The following PPARGC1A variants were observed in gnomAD, a reference collection of about 807,000 sequenced individuals.
PPARGC1A encodes the protein PPARG coactivator 1 alpha, also known as peroxisome proliferator-activated receptor gamma coactivator 1-alpha.
In PPARGC1A, 25 loss-of-function variants were observed where a neutral mutation model predicts 88.7. The ratio of observed to expected loss-of-function variants is 0.28; its 90% CI spans 0.21 to 0.39. The LOEUF is 0.39. Among genes scored for constraint, PPARGC1A ranks in the 10% least tolerant of loss-of-function variants. The probability of loss-of-function intolerance (pLI) is 1.00; values close to 1 mark genes in which losing one functional copy is unlikely to be tolerated. For missense variants in PPARGC1A, 880 were observed against 968.7 expected, an observed-to-expected ratio of 0.91 and a Z score of 1.22; for synonymous variants, 363 against 355.6, an observed-to-expected ratio of 1.02 and a Z score of -0.24.
chr4:24,076,373 A>C, the PPARGC1A span, among the ~76,000 whole-genome samples: 17 of 152,170 alleles, frequency 1.1e-4, no homozygotes, highest in Non-Finnish European at 2.4e-4. Flanking sequence ...CTCGAATCAC[A>C]ATTCATATAT....
the PPARGC1A span, among the ~76,000 whole-genome samples, chr4:24,108,535 T>C: frequency 2.0e-5 from 3 of 152,160 alleles, no homozygotes; most frequent in African/African-American, 4.8e-5. Flanking sequence ...GCCTATTATA[T>C]ATAGGTTAGC....
chr4:23,817,383 C>T (rs1722176127), intron 7 of PPARGC1A, among the ~76,000 whole-genome samples: 1 of 152,086 alleles, frequency 6.6e-6, no homozygotes, highest in African/African-American at 2.4e-5. Flanking sequence ...AGCCTGTGGC[C>T]ATTGAACAGA....
chr4:23,816,097 T>G (rs139499923), intron 7 of PPARGC1A, among the ~76,000 whole-genome samples: 51 of 152,322 alleles, frequency 3.3e-4, no homozygotes, highest in African/African-American at 1.2e-3. Context: ...TCAAAGCTAA[T>G]TCTCCCTGAG....
At chr4:24,377,452 G>A in the PPARGC1A span, among the ~76,000 whole-genome samples, 1 of 152,038 alleles carries the variant, frequency 6.6e-6, no homozygotes, top group African/African-American at 2.4e-5. Context: ...AACCCCAGCA[G>A]AAAGGCATAA....
chr4:24,411,040 T>C, the PPARGC1A span, among the ~76,000 whole-genome samples: 1 of 152,220 alleles, frequency 6.6e-6, no homozygotes, highest in Non-Finnish European at 1.5e-5. Context: ...TATATATGTT[T>C]GGGAAATGTT....
chr4:24,462,715 G>A, the PPARGC1A span, among the ~76,000 whole-genome samples: 1 of 150,708 alleles, frequency 6.6e-6, no homozygotes, highest in Non-Finnish European at 1.5e-5. Context: ...ATTCTATTAT[G>A]ATGGACTCAA....
chr4:23,936,190 T>C, the PPARGC1A span, among the ~76,000 whole-genome samples: 1 of 152,354 alleles, frequency 6.6e-6, no homozygotes, highest in Non-Finnish European at 1.5e-5. Flanking sequence ...ATGTATTGAA[T>C]GCCTACTATG....
At chr4:24,314,580 A>G in the PPARGC1A span, among the ~76,000 whole-genome samples, 1 of 152,236 alleles carries the variant, frequency 6.6e-6, no homozygotes, top group Non-Finnish European at 1.5e-5. Flanking sequence ...ATAGCAGCAC[A>G]AATGGACTAA....
At chr4:23,897,844 G>C (rs1051143559) in intron 1 of PPARGC1A, among the ~76,000 whole-genome samples, 5 of 152,172 alleles carry the variant, frequency 3.3e-5, no homozygotes, top group African/African-American at 4.8e-5. Flanking sequence ...CAGAGAAACA[G>C]TGGGCTTTCA....
chr4:24,109,296 T>TAC, the PPARGC1A span, among the ~76,000 whole-genome samples: 2 of 105,770 alleles, frequency 1.9e-5, no homozygotes, highest in South Asian at 6.7e-4. Flanking sequence ...ACCATTTCAT[T>TAC]ATACACACAC....
chr4:24,038,762 C>G, the PPARGC1A span, among the ~76,000 whole-genome samples: 1 of 152,134 alleles, frequency 6.6e-6, no homozygotes, highest in Non-Finnish European at 1.5e-5. Context: ...GCAATGGACC[C>G]AGCTCCAGTT....
At chr4:24,129,183 G>A in the PPARGC1A span, among the ~76,000 whole-genome samples, 2 of 152,160 alleles carry the variant, frequency 1.3e-5, no homozygotes, top group African/African-American at 4.8e-5. Context: ...AATGGTAATG[G>A]GGGGAAAGAG....
At chr4:24,361,535 T>A in the PPARGC1A span, among the ~76,000 whole-genome samples, 1 of 152,232 alleles carries the variant, frequency 6.6e-6, no homozygotes, top group Non-Finnish European at 1.5e-5. Context: ...CCAGCCACAT[T>A]GCTTTATATA....
upstream of PPARGC1A, among the ~76,000 whole-genome samples, chr4:23,906,979 T>C (rs1041792562): frequency 8.6e-5 from 13 of 151,926 alleles, no homozygotes; most frequent in African/African-American, 3.1e-4. Context: ...GATTCAGGAG[T>C]AATCATAGCT....
the PPARGC1A span, among the ~76,000 whole-genome samples, chr4:24,213,165 C>CT: frequency 0.017 from 1,723 of 100,716 alleles, 63 homozygotes; most frequent in African/African-American, 0.057. Context: ...GATTATTTTC[C>CT]TTTTTTTTTT....
chr4:24,394,412 C>A, the PPARGC1A span, among the ~76,000 whole-genome samples: 4 of 152,088 alleles, frequency 2.6e-5, no homozygotes, highest in Non-Finnish European at 5.9e-5. Flanking sequence ...TCTAGGGACC[C>A]TGAAGTTCAT....
At chr4:24,197,083 G>C in the PPARGC1A span, among the ~76,000 whole-genome samples, 915 of 152,294 alleles carry the variant, frequency 6.0e-3, 13 homozygotes, top group African/African-American at 0.021. Flanking sequence ...GTTAGAAATA[G>C]ATTGTTCTTG....
the PPARGC1A span, among the ~76,000 whole-genome samples, chr4:24,051,935 C>CA: frequency 0.019 from 2,132 of 114,680 alleles, 11 homozygotes; most frequent in African/African-American, 0.023. Context: ...GTGATTTGCA[C>CA]AAAAAAAAAA....
At chr4:23,913,565 C>A in the PPARGC1A span, among the ~76,000 whole-genome samples, 2 of 152,040 alleles carry the variant, frequency 1.3e-5, no homozygotes, top group Non-Finnish European at 2.9e-5. Flanking sequence ...AAATCTAGCA[C>A]TCTCTGAGAA....
Sources: gnomAD v4.1 joint callset for allele counts (sites outside exome capture counted in the v4.1 genomes callset) on GRCh38, gnomAD v4.1.1 for gene constraint, MANE v1.5 for transcripts, NCBI Gene and HGNC (gene_info 2026-07-23, HGNC 2026-07-21) for gene names.